Variants in SLC12A2 observed in about 807,000 individuals in gnomAD.
SLC12A2 encodes the protein solute carrier family 12 member 2.
Under a neutral mutation model 136.3 loss-of-function variants are expected in SLC12A2, and 67 were observed. The observed-to-expected ratio is 0.49, with a 90% confidence interval of 0.40 to 0.60. SLC12A2 has a LOEUF of 0.60. Among genes scored for constraint, SLC12A2 ranks in the 20% least tolerant of loss-of-function variants. SLC12A2 has a pLI of 0.00. For missense variants in SLC12A2, 1,322 were observed against 1,534.7 expected (o/e 0.86, Z 2.32); for synonymous variants, 619 against 562.9 (o/e 1.10, Z -1.41).
At chr5:128,149,897 TG>T in intron 12 of SLC12A2, 99 bp from the exon 13 acceptor site, 1 of 787,424 alleles carries the variant, frequency 1.3e-6, no homozygotes, top group Non-Finnish European at 2.2e-6. Context: ...ATGGTGGTTA[TG>T]GGGTGTTACG....
rs770772193 is a variant in SLC12A2 at position 128,158,131 on chromosome 5, T to C, written c.2442T>C (p.Asn814=). 22 of 1,613,528 alleles carry C rather than the reference T, an allele frequency of 1.4e-5. No homozygotes were observed. Among genetic ancestry groups the C allele is most frequent in the Non-Finnish European group, 1.9e-5 (22 of 1,179,692 alleles). Residue 814 remains asparagine (N), a synonymous_variant, in exon 16 of 27, where the codon AAT becomes AAC. Transcript: ENST00000262461. ...ATCTTGTTCATGATTTCACAAAAAATGTTGGTTTGATGATCTGTGGCCATG... is the reference window on the plus strand; with the variant it reads ...ATCTTGTTCATGATTTCACAAAAAACGTTGGTTTGATGATCTGTGGCCATG... The part of the protein sequence containing the change: ...LLHLVHDFTK[N]VGLMICGHVH...
intron 14 of SLC12A2, among the ~76,000 whole-genome samples, chr5:128,151,965 C>T (rs1303461403): frequency 1.3e-5 from 2 of 152,020 alleles, no homozygotes; most frequent in African/African-American, 2.4e-5. Flanking sequence ...AAACGTATCT[C>T]CAGGTAAGAT....
At chr5:128,152,238 A>G (rs545335486) in intron 14 of SLC12A2, among the ~76,000 whole-genome samples, 16 of 152,342 alleles carry the variant, frequency 1.1e-4, no homozygotes, top group African/African-American at 2.4e-4. Flanking sequence ...TAACATACCT[A>G]TCAAGTCTAT....
In SLC12A2 at chr5:128,141,907, G is replaced by A. The variant is rs1561683529; in HGVS notation, c.1699G>A (p.Ala567Thr). The part of the protein sequence containing the change: ...VTELTNCTSA[A>T]CKLNFDFSSC... ...AGAGCTAACAAACTGTACTTCTGCAGCCTGCAAATTAAACTTTGATTTTTC... is the reference window on the plus strand; with the variant it reads ...AGAGCTAACAAACTGTACTTCTGCAACCTGCAAATTAAACTTTGATTTTTC... Residue 567 changes from alanine (A) to threonine (T), a missense_variant, in exon 10 of 27, where the codon GCC becomes ACC. Around this residue, in one of 8 missense-constraint regions of SLC12A2, gnomAD observed 294 missense variants for 436.6 expected, o/e 0.67. Transcript: ENST00000262461. The A allele has an allele frequency of 1.2e-6, 2 of 1,613,970 alleles. No homozygotes were observed. Among genetic ancestry groups the A allele is most frequent in the Non-Finnish European group, 1.7e-6 (2 of 1,179,906 alleles).
chr5:128,103,542 TACTG>T (rs1760820443), intron 1 of SLC12A2, among the ~76,000 whole-genome samples: 1 of 152,226 alleles, frequency 6.6e-6, no homozygotes, highest in Non-Finnish European at 1.5e-5. Context: ...TTTTAATACT[TACTG>T]AGGGAGTGCA....
chr5:128,129,179 C>T (rs898655758), intron 4 of SLC12A2, among the ~76,000 whole-genome samples: 2 of 151,994 alleles, frequency 1.3e-5, no homozygotes, highest in African/African-American at 4.8e-5. Context: ...TTTGTGACTT[C>T]ATTTTCTCAT....
chr5:128,084,082 CGGAGGATGCT>C lies in SLC12A2; in HGVS notation c.130_139del (p.Glu44ArgfsTer95). 7.6e-7 allele frequency: 1 copy of C among 1,317,064 alleles called. No homozygotes were observed. The highest frequency in any genetic ancestry group is 9.6e-7 in the Non-Finnish European group (1 of 1,037,434). 81.6% of individuals were successfully genotyped at this position (1,317,064 alleles called of 1,614,324 possible). ...CCCGGCACGGCTGTGCCCTCGGTGC[CGGAGGATGCT>C]GCGCCCGCGAGCCGGGACGGCGGCG... is the stretch of plus-strand genomic sequence containing the variant. On this transcript the variant is annotated frameshift_variant, in exon 1 of 27. Coordinates refer to ENST00000262461, the MANE Select transcript of SLC12A2 (RefSeq NM_001046.3). LOFTEE classifies it high-confidence loss of function. This position sits in a 1 kb window ranked among gnomAD's most constrained non-coding sequence, Gnocchi z 5.6.
At chr5:128,184,950 T>C in intron 26 of SLC12A2, 94 bp downstream of exon 26, 1 of 1,094,076 alleles carries the variant, frequency 9.1e-7, no homozygotes, top group Admixed American at 1.9e-5. Flanking sequence ...ATAACACCCA[T>C]ATTGACTTAG....
chr5:128,109,278 AC>A (rs1761051906), intron 1 of SLC12A2, among the ~76,000 whole-genome samples: 1 of 152,236 alleles, frequency 6.6e-6, no homozygotes, highest in African/African-American at 2.4e-5. Context: ...GGTGACCCTC[AC>A]CTAGGCGTGC....
chr5:128,184,206 T>G (rs1478499610), intron 24 of SLC12A2, among the ~76,000 whole-genome samples, 160 bp from the exon 25 acceptor site: 3 of 152,076 alleles, frequency 2.0e-5, no homozygotes. Context: ...ATTGCTGTTT[T>G]TGAAATAAAT....
chr5:128,141,743 T>A (rs1762369809), intron 9 of SLC12A2, 87 bp from the exon 10 acceptor site: 1 of 1,119,708 alleles, frequency 8.9e-7, no homozygotes, highest in Admixed American at 2.7e-5. Context: ...ACTACTTTGG[T>A]TTCTTTATAA....
At chr5:128,095,747 A>G (rs1450426779) in intron 1 of SLC12A2, among the ~76,000 whole-genome samples, 1 of 152,116 alleles carries the variant, frequency 6.6e-6, no homozygotes, top group African/African-American at 2.4e-5. Flanking sequence ...GCCTAAGCCA[A>G]TTCTTCCAGT....
intron 18 of SLC12A2, chr5:128,170,300 A>G (rs1051224675): frequency 7.9e-5 from 12 of 152,186 alleles, no homozygotes; most frequent in African/African-American, 2.7e-4. Flanking sequence ...TATTAATTAT[A>G]TCTTTCAAGA....
chr5:128,128,551 A>G (rs1321678086), intron 4 of SLC12A2, among the ~76,000 whole-genome samples: 1 of 152,104 alleles, frequency 6.6e-6, no homozygotes, highest in Non-Finnish European at 1.5e-5. Context: ...AGAGTTTATC[A>G]TACATACTGT....
At chr5:128,126,648 A>G (rs984709993) in intron 4 of SLC12A2, among the ~76,000 whole-genome samples, 6 of 152,102 alleles carry the variant, frequency 3.9e-5, no homozygotes, top group African/African-American at 9.7e-5. Flanking sequence ...TTTTCTTTCA[A>G]ATCTCTAGGA....
intron 4 of SLC12A2, among the ~76,000 whole-genome samples, chr5:128,130,633 G>T (rs1165308661): frequency 1.3e-5 from 2 of 151,334 alleles, no homozygotes; most frequent in Non-Finnish European, 2.9e-5. Flanking sequence ...AGTGAACCAA[G>T]ATTGCACCAC....
intron 15 of SLC12A2, among the ~76,000 whole-genome samples, chr5:128,157,005 T>G (rs1220605478): frequency 6.6e-6 from 1 of 152,170 alleles, no homozygotes; most frequent in East Asian, 1.9e-4. Flanking sequence ...ATTTCATGTT[T>G]GATTGCCTCA....
chr5:128,148,934 G>T (rs892441111), intron 12 of SLC12A2, 57 bp downstream of exon 12: 1 of 1,358,612 alleles, frequency 7.4e-7, no homozygotes, highest in African/African-American at 1.5e-5. Context: ...AGTTCTAGAC[G>T]TTGAATTATT....
intron 19 of SLC12A2, 184 bp downstream of exon 19, chr5:128,171,930 A>C (rs1183278742): frequency 4.4e-6 from 2 of 454,652 alleles, no homozygotes; most frequent in Non-Finnish European, 7.6e-6. Context: ...CGTTGTACCA[A>C]CCTGGATGAT....
Sources: gnomAD v4.1 joint callset for allele counts (sites outside exome capture counted in the v4.1 genomes callset) on GRCh38, gnomAD v4.1.1 for gene constraint, gnomAD v4.1.1 regional missense constraint, Gnocchi (gnomAD v3.1) non-coding constraint, MANE v1.5 for transcripts, NCBI Gene and HGNC (gene_info 2026-07-23, HGNC 2026-07-21) for gene names.